The following PIK3CA variants were observed in gnomAD, a reference collection of about 807,000 sequenced individuals.
The protein encoded by PIK3CA is phosphatidylinositol-4,5-bisphosphate 3-kinase catalytic subunit alpha.
In PIK3CA, 27 loss-of-function variants were observed where a neutral mutation model predicts 138.2. That is an observed-to-expected ratio of 0.20 (90% CI 0.14 to 0.27). The LOEUF is 0.27. Ranked by LOEUF, PIK3CA falls within the 10% of genes least tolerant of loss-of-function variation. PIK3CA has a pLI of 1.00. For missense variants in PIK3CA, 544 were observed against 1,277.4 expected, an observed-to-expected ratio of 0.43 and a Z score of 8.75; for synonymous variants, 358 against 413.2, an observed-to-expected ratio of 0.87 and a Z score of 1.62.
intron 4 of PIK3CA, among the ~76,000 whole-genome samples, chr3:179,202,751 G>T (rs1433004353): frequency 6.6e-6 from 1 of 152,074 alleles, no homozygotes; most frequent in East Asian, 1.9e-4. Flanking sequence ...ACTATTTGTG[G>T]TTTTTTGTTT....
At chr3:179,155,632 A>G (rs1446746983) in intron 1 of PIK3CA, among the ~76,000 whole-genome samples, 1 of 152,238 alleles carries the variant, frequency 6.6e-6, no homozygotes, top group Non-Finnish European at 1.5e-5. Flanking sequence ...ATGATTTAAA[A>G]TATACAGGAG....
At position 179,157,055 on chromosome 3, in the gene PIK3CA, C is replaced by G. The variant is rs186838616; in HGVS notation, c.-77+8452C>G. Among the ~76,000 whole-genome samples the G allele has an allele frequency of 6.7e-3, 1,020 of 151,974 alleles. 62 individuals carry two copies. In the South Asian group the frequency reaches 0.14, roughly 20 times the overall value. ...AAAGCAGCATTAATGGGAAAATTTG[C>G]GGAAAAAATATTGAAATTAGACACT... On this transcript the variant is annotated intron_variant, in intron 1 of 20. Coordinates refer to ENST00000263967, the MANE Select transcript of PIK3CA (RefSeq NM_006218.4).
Position 179,201,348 on chromosome 3 carries a change from T to C in PIK3CA, c.621T>C (p.Tyr207=). 7 of 1,613,204 alleles carry C rather than the reference T, an allele frequency of 4.3e-6. No individual in the cohort carries two copies. The highest frequency in any genetic ancestry group is 5.9e-6 in the Non-Finnish European group (7 of 1,179,318). ...CTCCAAATAATGACAAGCAGAAGTA[T>C]ACTCTGAAAATCAACCATGACTGTG... ...IVSPNNDKQK[Y]TLKINHDCVP... Residue 207 remains tyrosine (Y), a synonymous_variant, in exon 4 of 21, where the codon TAT becomes TAC. Coordinates refer to ENST00000263967, the MANE Select transcript of PIK3CA (RefSeq NM_006218.4).
intron 1 of PIK3CA, among the ~76,000 whole-genome samples, chr3:179,152,183 C>G (rs904366559): frequency 6.6e-6 from 1 of 152,124 alleles, no homozygotes; most frequent in African/African-American, 2.4e-5. Flanking sequence ...GCCACACATA[C>G]GAATTTCATT....
intron 1 of PIK3CA, among the ~76,000 whole-genome samples, chr3:179,152,221 T>C (rs1379778194): frequency 6.6e-6 from 1 of 152,218 alleles, no homozygotes; most frequent in Non-Finnish European, 1.5e-5. Context: ...TTATAAATTG[T>C]ATAGAGTGGC....
chr3:179,194,608 C>G (rs1255454491), intron 1 of PIK3CA, among the ~76,000 whole-genome samples: 1 of 152,060 alleles, frequency 6.6e-6, no homozygotes, highest in East Asian at 1.9e-4. Context: ...TTTGCCTCTC[C>G]TTCTTTGTCA....
rs180720965 is a variant in PIK3CA at position 179,221,028 on chromosome 3, G to A, written c.2058G>A (p.Leu686=). 1 of 1,613,268 alleles carries A rather than the reference G, an allele frequency of 6.2e-7. No homozygotes were observed. Among genetic ancestry groups the A allele is most frequent in the African/African-American group, 1.3e-5 (1 of 74,974 alleles). The change falls in exon 14 of 21, where the codon CTG becomes CTA. Residue 686 remains leucine, a synonymous_variant. Coordinates refer to ENST00000263967, the MANE Select transcript of PIK3CA (RefSeq NM_006218.4). ...AAACAGTTAGCCAGAGGTTTGGCCT[G>A]CTTTTGGAGTCCTATTGTCGTGCAT... is the stretch of plus-strand genomic sequence containing the variant. ...HNKTVSQRFG[L]LLESYCRACG...
chr3:179,216,042 C>T (rs1452108142), intron 9 of PIK3CA, among the ~76,000 whole-genome samples: 3 of 152,160 alleles, frequency 2.0e-5, no homozygotes, highest in Non-Finnish European at 4.4e-5. Context: ...AGACATTAGC[C>T]AAGGTTCCTG....
chr3:179,194,446 T>A (rs945812499), intron 1 of PIK3CA, among the ~76,000 whole-genome samples: 2 of 152,148 alleles, frequency 1.3e-5, no homozygotes, highest in Non-Finnish European at 2.9e-5. Context: ...CTCGAACTCC[T>A]CAGCTCAAGG....
chr3:179,204,332 T>G (rs1415772503), intron 5 of PIK3CA, among the ~76,000 whole-genome samples, 171 bp from the exon 6 acceptor site: 2 of 152,210 alleles, frequency 1.3e-5, no homozygotes, highest in African/African-American at 4.8e-5. Context: ...AGGCAGCAAC[T>G]AATTTTGGTG....
intron 1 of PIK3CA, among the ~76,000 whole-genome samples, chr3:179,170,956 C>T (rs1723544815): frequency 6.6e-6 from 1 of 152,148 alleles, no homozygotes; most frequent in Admixed American, 6.5e-5. Flanking sequence ...ATCTAATTGA[C>T]ATCTGCAGAA....
intron 1 of PIK3CA, among the ~76,000 whole-genome samples, chr3:179,168,454 A>T (rs1229422157): frequency 6.6e-6 from 1 of 152,050 alleles, no homozygotes; most frequent in Non-Finnish European, 1.5e-5. Flanking sequence ...TTTATTGTCT[A>T]GTATAGTTCT....
rs116907608 is a variant in PIK3CA, at chr3:179,176,472, A to G, written c.-76-22278A>G. On this transcript the variant is annotated intron_variant, in intron 1 of 20. Transcript: ENST00000263967. ...GGTTACAGTTTTCCAGCTTCATCAA[A>G]AAAAGAGTTTTTCTCATTCTCCTTG... Among the ~76,000 whole-genome samples the G allele has an allele frequency of 4.2e-3, 645 of 152,338 alleles. 12 individuals carry two copies. Among genetic ancestry groups the G allele is most frequent in the East Asian group, 0.041 (214 of 5,184 alleles).
intron 1 of PIK3CA, among the ~76,000 whole-genome samples, chr3:179,172,663 A>T (rs1339517339): frequency 1.3e-5 from 2 of 152,210 alleles, no homozygotes; most frequent in East Asian, 3.8e-4. Context: ...ATAAGAATAG[A>T]TACACAAACC....
chr3:179,198,568 A>G (rs1724325656), intron 1 of PIK3CA, among the ~76,000 whole-genome samples, 182 bp from the exon 2 acceptor site: 2 of 152,238 alleles, frequency 1.3e-5, no homozygotes, highest in South Asian at 4.1e-4. Context: ...CTCTGCTGAA[A>G]TAAATTCTTT....
At chr3:179,154,261 C>A (rs943134258) in intron 1 of PIK3CA, among the ~76,000 whole-genome samples, 1 of 152,062 alleles carries the variant, frequency 6.6e-6, no homozygotes, top group South Asian at 2.1e-4. Context: ...TGTTAGGAAC[C>A]GGGCTGCACA....
At chr3:179,194,030 A>G (rs1724201024) in intron 1 of PIK3CA, among the ~76,000 whole-genome samples, 1 of 152,128 alleles carries the variant, frequency 6.6e-6, no homozygotes, top group Non-Finnish European at 1.5e-5. Flanking sequence ...TTTATTTAAA[A>G]TGTTATATAT....
intron 1 of PIK3CA, among the ~76,000 whole-genome samples, chr3:179,163,073 G>A (rs1005087393): frequency 6.6e-6 from 1 of 152,094 alleles, no homozygotes; most frequent in Admixed American, 6.5e-5. Flanking sequence ...AAAGGGAATA[G>A]AGATCCCAGA....
chr3:179,198,405 T>C (rs987878558), intron 1 of PIK3CA, among the ~76,000 whole-genome samples: 1 of 152,246 alleles, frequency 6.6e-6, no homozygotes, highest in Non-Finnish European at 1.5e-5. Context: ...AAAGGTGATA[T>C]GCAATGGGAA....
Sources: gnomAD v4.1 joint callset for allele counts (sites outside exome capture counted in the v4.1 genomes callset) on GRCh38, gnomAD v4.1.1 for gene constraint, MANE v1.5 for transcripts, NCBI Gene and HGNC (gene_info 2026-07-23, HGNC 2026-07-21) for gene names.